SLC25A42: variants seen among roughly 807,000 people sequenced by gnomAD.
SLC25A42 encodes mitochondrial coenzyme A transporter SLC25A42.
SLC25A42 carries 19 observed loss-of-function variants against 34.7 expected under a neutral mutation model. The observed-to-expected ratio is 0.55, with a 90% CI of 0.38 to 0.80. The LOEUF is 0.80. SLC25A42 is among the 30% of genes least tolerant of loss of function. The pLI is 0.00. For missense variants in SLC25A42, 364 were observed against 441.3 expected (o/e 0.82, Z 1.57); for synonymous variants, 205 against 191.2 (o/e 1.07, Z -0.59).
intron 1 of SLC25A42, among the ~76,000 whole-genome samples, chr19:19,088,834 GTC>G (rs1442720613): frequency 2.1e-5 from 3 of 142,596 alleles, no homozygotes; most frequent in Non-Finnish European, 4.5e-5. Context: ...TTGAGACAGC[GTC>G]TCTTTCTGAC....
Position 19,111,259 on chromosome 19 carries a change from A to C in SLC25A42, c.*383A>C. On this transcript the variant is annotated 3_prime_UTR_variant, in exon 8 of 8. Transcript: ENST00000318596. ...CTGTCCCCACCAGGCTCAGAGCCAG[A>C]CCGCGCCTGGACCTTCTTGTTCTGA... 3.7e-6 allele frequency: 1 copy of C among 273,026 alleles called. No individual in the cohort carries two copies. Among genetic ancestry groups the C allele is most frequent in the Non-Finnish European group, 7.0e-6 (1 of 142,276 alleles). The allele number at this position is 273,026 out of a possible 1,614,324, so 16.9% of individuals were successfully genotyped here. A position where few individuals can be genotyped will look rare whatever the true frequency, so the allele number is the denominator to read the frequency against.
intron 1 of SLC25A42, among the ~76,000 whole-genome samples, chr19:19,083,539 C>T (rs1476252918): frequency 2.0e-5 from 3 of 152,248 alleles, no homozygotes; most frequent in South Asian, 2.1e-4. Context: ...TCTCTGGCCT[C>T]CTGCCCCTGC....
chr19:19,105,213 A>G (rs1422302272), intron 4 of SLC25A42: 1 of 574,852 alleles, frequency 1.7e-6, no homozygotes, highest in Non-Finnish European at 3.1e-6. Flanking sequence ...TACTTTCTTA[A>G]TAAAGGAAAA....
At chr19:19,108,092 C>T in intron 7 of SLC25A42, 47 bp downstream of exon 7, 1 of 1,521,644 alleles carries the variant, frequency 6.6e-7, no homozygotes, top group Non-Finnish European at 8.8e-7. Flanking sequence ...GGAAGCATTC[C>T]CTGGGGACAG....
At chr19:19,093,297 C>T (rs2059747835) in intron 1 of SLC25A42, among the ~76,000 whole-genome samples, 2 of 152,078 alleles carry the variant, frequency 1.3e-5, no homozygotes, top group Admixed American at 1.3e-4. Flanking sequence ...ATTCCAGGTG[C>T]GTGCCACCAC....
rs370197364 is a variant in SLC25A42 at position 19,107,972 on chromosome 19, C to T, written c.576C>T (p.Pro192=). 6.2e-7 allele frequency: 1 copy of T among 1,613,724 alleles called. No individual in the cohort carries two copies. Among genetic ancestry groups the T allele is most frequent in the Non-Finnish European group, 8.5e-7 (1 of 1,179,814 alleles). The change falls in exon 7 of 8, where the codon CCC becomes CCT. Residue 192 remains proline (P), a synonymous_variant. Transcript: ENST00000318596. ...AGACTCTCTACCATGGATTTATGCC[C>T]ACCGTGCTGGGGGTCATTCCCTACG... is the stretch of plus-strand genomic sequence containing the variant. ...GLKTLYHGFM[P]TVLGVIPYAG...
chr19:19,091,953 C>A (rs146777145), intron 1 of SLC25A42, among the ~76,000 whole-genome samples: 1 of 152,202 alleles, frequency 6.6e-6, no homozygotes, highest in Admixed American at 6.5e-5. Context: ...TGCCCTGGGG[C>A]CCTCTTCCTC....
At position 19,106,205 on chromosome 19, in the gene SLC25A42, C is replaced by T. The variant is rs114148593; in HGVS notation, c.381-64C>T. The T allele has an allele frequency of 6.0e-4, 839 of 1,404,886 alleles. 4 individuals carry two copies. The African/African-American group carries it at 0.01, about 17-fold the overall frequency. 87.0% of individuals were successfully genotyped at this position (1,404,886 alleles called of 1,614,324 possible). ...AGCAGAGACGTGCGGGTGCTCCAGGCTGGGCCTCTGTGCATCTGCAACCCC... is the reference window on the plus strand; with the variant it reads ...AGCAGAGACGTGCGGGTGCTCCAGGTTGGGCCTCTGTGCATCTGCAACCCC... On this transcript the variant is annotated intron_variant, in intron 5 of 7. Transcript: ENST00000318596.
intron 2 of SLC25A42, among the ~76,000 whole-genome samples, chr19:19,098,678 G>A (rs1264294987): frequency 6.6e-6 from 1 of 152,190 alleles, no homozygotes; most frequent in East Asian, 1.9e-4. Flanking sequence ...CAACACTTTG[G>A]GATGCCGAGA....
intron 1 of SLC25A42, among the ~76,000 whole-genome samples, chr19:19,095,731 G>GC (rs2059760953): frequency 6.6e-6 from 1 of 152,180 alleles, no homozygotes; most frequent in African/African-American, 2.4e-5. Flanking sequence ...GCACCTCGGT[G>GC]CCCACTGGAT....
At chr19:19,105,477 A>C in intron 4 of SLC25A42, 84 bp from the exon 5 acceptor site, 1 of 1,523,992 alleles carries the variant, frequency 6.6e-7, no homozygotes, top group Non-Finnish European at 8.9e-7. Context: ...CCGCCTCCGC[A>C]CTTTGGGCGC....
At chr19:19,088,561 C>T (rs962695954) in intron 1 of SLC25A42, among the ~76,000 whole-genome samples, 4 of 152,056 alleles carry the variant, frequency 2.6e-5, no homozygotes, top group Non-Finnish European at 5.9e-5. Flanking sequence ...GCAATCTCAG[C>T]TCACCGCAAC....
intron 1 of SLC25A42, among the ~76,000 whole-genome samples, chr19:19,095,321 GA>G (rs199906422): frequency 3.0e-4 from 43 of 145,466 alleles, no homozygotes; most frequent in East Asian, 1.0e-3. Context: ...CTGGGTGGGG[GA>G]AAAAAAAAAG....
intron 5 of SLC25A42, 123 bp downstream of exon 5, chr19:19,105,850 A>C: frequency 1.2e-6 from 1 of 814,152 alleles, no homozygotes; most frequent in Non-Finnish European, 1.8e-6. Flanking sequence ...CCCTCTTCCC[A>C]CAACGAAACA....
chr19:19,102,743 A>AAAATAAATAAATAAAT (rs140086036), intron 3 of SLC25A42, among the ~76,000 whole-genome samples: 4 of 148,548 alleles, frequency 2.7e-5, no homozygotes, highest in African/African-American at 1.0e-4. Flanking sequence ...CTCTGTCTCA[A>AAAATAAATAAATAAAT]AAATAAATAA....
At chr19:19,095,844 C>G (rs190394655) in intron 1 of SLC25A42, 1 of 521,188 alleles carries the variant, frequency 1.9e-6, no homozygotes, top group Non-Finnish European at 3.6e-6. Flanking sequence ...CTTCTCTGAG[C>G]CTGTTTGCTC....
rs879261965 is a variant in SLC25A42, at chr19:19,112,718, C to CTGTG, written c.*1844_*1845insTGTG. On this transcript the variant is annotated 3_prime_UTR_variant, in exon 8 of 8. Coordinates refer to ENST00000318596, the MANE Select transcript of SLC25A42 (RefSeq NM_178526.5). The surrounding 1 kb of genome is among the most constrained non-coding windows in gnomAD (Gnocchi z 4.3). Reference sequence around the variant, plus strand: ...TTGGGGACAGTGCTGTCCCCCACCCCTGCACACAGCCAGGCCCTCAGGCTC... The same window carrying CTGTG: ...TTGGGGACAGTGCTGTCCCCCACCCCTGTGTGCACACAGCCAGGCCCTCAGGCTC... 2,862 of 152,880 alleles carry CTGTG rather than the reference C, an allele frequency of 0.019. 85 individuals are homozygous for CTGTG. The highest frequency in any genetic ancestry group is 0.065 in the African/African-American group (2,703 of 41,562). 9.5% of individuals were successfully genotyped at this position (152,880 alleles called of 1,614,324 possible).
rs2059624226 is a variant in SLC25A42 at position 19,070,454 on chromosome 19, CAT to C, written c.-35+6340_-35+6341del. Among the ~76,000 whole-genome samples, 3 of 152,006 alleles carry C rather than the reference CAT, an allele frequency of 2.0e-5. No homozygotes were observed. In the South Asian group the frequency reaches 6.2e-4, roughly 31 times the overall value. On this transcript the variant is annotated intron_variant, in intron 1 of 7. Coordinates refer to ENST00000318596, the MANE Select transcript of SLC25A42 (RefSeq NM_178526.5). ...CTAGGATTACAGGTGCGCACCACCGCATCCAGCTAATTTTTGTATTTTCAGTA... is the reference window on the plus strand; with the variant it reads ...CTAGGATTACAGGTGCGCACCACCGCCCAGCTAATTTTTGTATTTTCAGTA...
chr19:19,106,069 G>A (rs757027077), intron 5 of SLC25A42, 200 bp from the exon 6 acceptor site: 8 of 568,394 alleles, frequency 1.4e-5, no homozygotes, highest in Non-Finnish European at 2.5e-5. Context: ...GGGAAGGGAA[G>A]GCAGCCATGT....
Sources: gnomAD v4.1 joint callset for allele counts (sites outside exome capture counted in the v4.1 genomes callset) on GRCh38, gnomAD v4.1.1 for gene constraint, Gnocchi (gnomAD v3.1) non-coding constraint, MANE v1.5 for transcripts, NCBI Gene and HGNC (gene_info 2026-07-23, HGNC 2026-07-21) for gene names.